TUBGCP4: variants seen among roughly 807,000 people sequenced by gnomAD.
TUBGCP4 encodes the protein tubulin gamma complex component 4.
TUBGCP4 carries 54 observed loss-of-function variants against 91.6 expected under a neutral mutation model. The ratio of observed to expected loss-of-function variants is 0.59; its 90% CI spans 0.47 to 0.74. The LOEUF is 0.74. Among genes scored for constraint, TUBGCP4 ranks in the 30% least tolerant of loss-of-function variants. The pLI is 0.00. For synonymous variants in TUBGCP4, 297 were observed against 302.8 expected (o/e 0.98, Z 0.20); for missense variants, 593 against 800.9 (o/e 0.74, Z 3.13).
chr15:43,371,141 G>T lies in TUBGCP4; in HGVS notation c.-214G>T, dbSNP rs765655832. ...CGGGCGGGAGTAGCTGGTGGACCCC[G>T]TTGAGCTGCCGAACTTCCGGGACTC... is the stretch of plus-strand genomic sequence containing the variant. On this transcript the variant is annotated 5_prime_UTR_variant, in exon 1 of 18. Transcript: ENST00000564079. 8 of 610,870 alleles carry T rather than the reference G, an allele frequency of 1.3e-5. No individual in the cohort carries two copies. The highest frequency in any genetic ancestry group is 1.3e-4 in the South Asian group (7 of 55,844). 37.8% of individuals were successfully genotyped at this position (610,870 alleles called of 1,614,324 possible). A position where few individuals can be genotyped will look rare whatever the true frequency, so the allele number is the denominator to read the frequency against.
chr15:43,403,468 G>A, intron 15 of TUBGCP4: 1 of 502,792 alleles, frequency 2.0e-6, no homozygotes, highest in Non-Finnish European at 3.6e-6. Flanking sequence ...GGCTAAGAGA[G>A]TAATACTCGC....
rs759540925 is a variant in TUBGCP4, at chr15:43,376,098, G to A, written c.79G>A (p.Val27Ile). ...TTCGGCAGTGTTCCTCTTCCTGCAG[G>A]TATCGCAGGACTTCCCTTTCCTCCA... ...FTWNKRSGLQ[V>I]SQDFPFLHPS... Residue 27 changes from valine (V) to isoleucine (I), a missense_variant and splice_region_variant, in exon 2 of 18, where the codon GTA becomes ATA. By Grantham distance (29) the Val-to-Ile change is conservative. Transcript: ENST00000564079. The A allele has an allele frequency of 3.2e-5, 52 of 1,612,240 alleles. No homozygotes were observed. Among genetic ancestry groups the A allele is most frequent in the South Asian group, 1.6e-4 (15 of 91,052 alleles).
Position 43,409,519 on chromosome 15 carries a change from GTT to G in TUBGCP4, c.*4307_*4308del. 1 of 530,680 alleles carries G rather than the reference GTT, an allele frequency of 1.9e-6. No homozygotes were observed. The allele number at this position is 530,680 out of a possible 1,614,324, so 32.9% of individuals were successfully genotyped here. On this transcript the variant is annotated 3_prime_UTR_variant, in exon 18 of 18. Transcript: ENST00000564079. ...TATTTCATGCAAAAACATTTTGGCA[GTT>G]TCTCAGTTCCTGAAATCTCTGGCTA...
intron 7 of TUBGCP4, among the ~76,000 whole-genome samples, chr15:43,383,874 C>T (rs911417756): frequency 1.3e-5 from 2 of 152,022 alleles, no homozygotes; most frequent in Non-Finnish European, 2.9e-5. Flanking sequence ...AATCTTGGCT[C>T]ACTGCAGCCA....
At chr15:43,376,733 C>T in intron 3 of TUBGCP4, 108 bp downstream of exon 3, 1 of 1,472,010 alleles carries the variant, frequency 6.8e-7, no homozygotes, top group Non-Finnish European at 9.3e-7. Context: ...TGAGCAGTTG[C>T]CTGCATGGCT....
chr15:43,392,153 G>A (rs1297129736), intron 9 of TUBGCP4, among the ~76,000 whole-genome samples: 1 of 140,074 alleles, frequency 7.1e-6, no homozygotes, highest in African/African-American at 2.7e-5. Context: ...GTGTTTCATT[G>A]ATATCTGCCT....
chr15:43,377,491 C>T (rs535300783), intron 4 of TUBGCP4: 39 of 299,466 alleles, frequency 1.3e-4, no homozygotes, highest in African/African-American at 6.5e-4. Context: ...GTTGTGGTGG[C>T]GTGCACCTGT....
chr15:43,379,420 C>G (rs1595479664), intron 5 of TUBGCP4, among the ~76,000 whole-genome samples: 1 of 152,116 alleles, frequency 6.6e-6, no homozygotes, highest in Non-Finnish European at 1.5e-5. Flanking sequence ...GGCGGGCGGA[C>G]CACGAGGTCA....
In TUBGCP4 at chr15:43,405,294, A is replaced by G; in HGVS notation, c.*80A>G. ...AGATTCAAAACATCCCATTCTAGCC[A>G]CACACAAATAAATATCTGCGGCTTA... is the stretch of plus-strand genomic sequence containing the variant. On this transcript the variant is annotated 3_prime_UTR_variant, in exon 18 of 18. Coordinates refer to ENST00000564079, the MANE Select transcript of TUBGCP4 (RefSeq NM_014444.5). The G allele has an allele frequency of 1.3e-6, 2 of 1,505,182 alleles. No individual in the cohort carries two copies. Among genetic ancestry groups the G allele is most frequent in the Non-Finnish European group, 1.8e-6 (2 of 1,082,470 alleles). The allele number at this position is 1,505,182 out of a possible 1,614,324, so 93.2% of individuals were successfully genotyped here.
At chr15:43,381,995 G>A (rs2044291874) in intron 6 of TUBGCP4, among the ~76,000 whole-genome samples, 1 of 151,986 alleles carries the variant, frequency 6.6e-6, no homozygotes. Context: ...AGGCCAAGGT[G>A]GGTGGATAGC....
In TUBGCP4 at chr15:43,371,224, T is replaced by TA; in HGVS notation, c.-131_-130insA. On this transcript the variant is annotated 5_prime_UTR_variant, in exon 1 of 18. In the 5' UTR this introduces an upstream ATG that the reference lacks. Transcript: ENST00000564079. ...CCGCCGCAGCGATTGTCTCGGTGGG[T>TA]TGATTCGGCACAAACCGCCCGACCC... is the stretch of plus-strand genomic sequence containing the variant. 1 of 858,954 alleles carries TA rather than the reference T, an allele frequency of 1.2e-6. No individual in the cohort carries two copies. Among genetic ancestry groups the TA allele is most frequent in the Non-Finnish European group, 1.8e-6 (1 of 549,572 alleles). 53.2% of individuals were successfully genotyped at this position (858,954 alleles called of 1,614,324 possible).
rs182638414 is a variant in TUBGCP4 at position 43,393,446 on chromosome 15, T to A, written c.1015-1661T>A. Among the ~76,000 whole-genome samples, 233 of 152,028 alleles carry A rather than the reference T, an allele frequency of 1.5e-3. 2 individuals are homozygous for A. The highest frequency in any genetic ancestry group is 5.0e-3 in the African/African-American group (207 of 41,506). On this transcript the variant is annotated intron_variant, in intron 9 of 17. Coordinates refer to ENST00000564079, the MANE Select transcript of TUBGCP4 (RefSeq NM_014444.5). ...GGATGGTTTCGATCTCTTTTTTTTT[T>A]AATTTTATTATTATTATACTTTAAG...
At chr15:43,398,963 G>T in intron 13 of TUBGCP4, 1 of 236,136 alleles carries the variant, frequency 4.2e-6, no homozygotes, top group Non-Finnish European at 8.6e-6. Context: ...ATCACATCCA[G>T]TAAAATTAAC....
At chr15:43,377,192 G>T in intron 4 of TUBGCP4, 125 bp downstream of exon 4, 1 of 807,352 alleles carries the variant, frequency 1.2e-6, no homozygotes, top group South Asian at 1.6e-5. Flanking sequence ...TATATTTTGT[G>T]CATTTTGTAT....
chr15:43,401,152 T>G (rs1435076095), intron 14 of TUBGCP4, among the ~76,000 whole-genome samples: 2 of 151,866 alleles, frequency 1.3e-5, no homozygotes, highest in Admixed American at 1.3e-4. Context: ...ATGAGTGGAT[T>G]AGGATGGGGC....
In TUBGCP4 at chr15:43,407,372, A is replaced by G. The variant is rs367624271; in HGVS notation, c.*2158A>G. 46 of 1,613,044 alleles carry G rather than the reference A, an allele frequency of 2.9e-5. No homozygotes were observed. The highest frequency in any genetic ancestry group is 3.4e-5 in the Non-Finnish European group (40 of 1,179,204). Reference sequence around the variant, plus strand: ...GATAGCAGGGAATAAAACCAGTAAGACCAAGTATCTTTAGTGAGAAACATA... The same window carrying G: ...GATAGCAGGGAATAAAACCAGTAAGGCCAAGTATCTTTAGTGAGAAACATA... On this transcript the variant is annotated 3_prime_UTR_variant, in exon 18 of 18. Transcript: ENST00000564079.
chr15:43,376,355 G>T (rs1316828925), intron 2 of TUBGCP4, 129 bp downstream of exon 2: 1 of 1,595,254 alleles, frequency 6.3e-7, no homozygotes, highest in Admixed American at 1.7e-5. Flanking sequence ...AATAAGTTAT[G>T]GATTTCTCAT....
At position 43,409,221 on chromosome 15, in the gene TUBGCP4, G is replaced by A; in HGVS notation, c.*4007G>A. On this transcript the variant is annotated 3_prime_UTR_variant, in exon 18 of 18. Transcript: ENST00000564079. ...CAACTACTACCCAAAATGTGATTTAGTCTATCCTGCCCAAGGCCACTCTTC... is the reference window on the plus strand; with the variant it reads ...CAACTACTACCCAAAATGTGATTTAATCTATCCTGCCCAAGGCCACTCTTC... The A allele has an allele frequency of 1.2e-6, 1 of 843,106 alleles. No individual in the cohort carries two copies. Among genetic ancestry groups the A allele is most frequent in the South Asian group, 1.6e-5 (1 of 61,476 alleles). 52.2% of individuals were successfully genotyped at this position (843,106 alleles called of 1,614,324 possible). A position where few individuals can be genotyped will look rare whatever the true frequency, so the allele number is the denominator to read the frequency against.
intron 9 of TUBGCP4, chr15:43,394,692 G>A (rs965514969): frequency 1.1e-5 from 2 of 184,366 alleles, no homozygotes; most frequent in African/African-American, 2.4e-5. Context: ...CATTCCCCTT[G>A]GTACTGTCCT....
Sources: allele counts gnomAD v4.1 joint callset (sites outside exome capture counted in the v4.1 genomes callset), GRCh38; gene constraint gnomAD v4.1.1; transcripts MANE v1.5; gene names NCBI Gene and HGNC (gene_info 2026-07-23, HGNC 2026-07-21).